ANXA10: variants seen among roughly 807,000 people sequenced by gnomAD.
The protein encoded by ANXA10 is annexin 14.
In ANXA10, 49 loss-of-function variants were observed where a neutral mutation model predicts 53.5. The observed-to-expected ratio is 0.92, with a 90% CI of 0.73 to 1.16. ANXA10 has a LOEUF of 1.16. Ranked by LOEUF, ANXA10 falls within the 50% of genes most tolerant of loss-of-function variation. The pLI is 0.00. For synonymous variants in ANXA10, 131 were observed against 128.9 expected (o/e 1.02, Z -0.11); for missense variants, 393 against 394.4 (o/e 1.00, Z 0.03).
In ANXA10 at chr4:168,156,607, C is replaced by T. The variant is rs575853326; in HGVS notation, c.196-5921C>T. Among the ~76,000 whole-genome samples the T allele has an allele frequency of 2.2e-3, 333 of 150,426 alleles. No individual in the cohort carries two copies. In the Middle Eastern group the frequency reaches 0.031, roughly 14 times the overall value. On this transcript the variant is annotated intron_variant, in intron 3 of 11. Transcript: ENST00000359299. ...CAAGCTCTGCCTCCCAGGTTCACGC[C>T]ATTCTCCTGCCTCAGCCTCCCAAGT... is the stretch of plus-strand genomic sequence containing the variant.
intron 1 of ANXA10, among the ~76,000 whole-genome samples, chr4:168,117,605 A>G (rs1730914555): frequency 6.6e-6 from 1 of 152,194 alleles, no homozygotes; most frequent in African/African-American, 2.4e-5. Context: ...ACAATGTATA[A>G]CAAAATCAAT....
intron 3 of ANXA10, among the ~76,000 whole-genome samples, chr4:168,156,191 TATATATA>T (rs1380097370): frequency 3.5e-5 from 1 of 28,938 alleles, no homozygotes; most frequent in Non-Finnish European, 5.6e-5. Context: ...TATTATATAT[TATATATA>T]ATATATATTA....
At chr4:168,179,001 A>G (rs942859287) in intron 8 of ANXA10, among the ~76,000 whole-genome samples, 1 of 152,132 alleles carries the variant, frequency 6.6e-6, no homozygotes, top group Non-Finnish European at 1.5e-5. Context: ...TCCCCAGGAG[A>G]AGAGAATAAT....
chr4:168,148,680 A>C lies in ANXA10; in HGVS notation c.195+9100A>C, dbSNP rs75609602. ...TCATTATTATGCCATTGTATAAGTT[A>C]GTGTTTCTTTAGTTTTATTTGTGAT... On this transcript the variant is annotated intron_variant, in intron 3 of 11. Transcript: ENST00000359299. 6.7e-3 allele frequency among the ~76,000 whole-genome samples: 1,017 copies of C among 152,108 alleles called. 10 individuals carry two copies. Among genetic ancestry groups the C allele is most frequent in the African/African-American group, 0.023 (964 of 41,472 alleles).
chr4:168,137,619 A>G (rs188434105), intron 2 of ANXA10, among the ~76,000 whole-genome samples: 188 of 152,260 alleles, frequency 1.2e-3, no homozygotes, highest in Middle Eastern at 3.4e-3. Flanking sequence ...ATTCTTTTTT[A>G]TAGCTGAGTA....
Position 168,093,329 on chromosome 4 carries a change from CT to C in ANXA10, c.18+619del, listed in dbSNP as rs758508185. Among the ~76,000 whole-genome samples the C allele has an allele frequency of 3.3e-5, 5 of 151,816 alleles. No individual in the cohort carries two copies. The South Asian group carries it at 6.3e-4, about 19-fold the overall frequency. ...GAAGCAATGTATAACAAGATTTAGT[CT>C]TTTTTTTGGCCTTGTCTGAATCATT... On this transcript the variant is annotated intron_variant, in intron 1 of 11. Transcript: ENST00000359299.
intron 1 of ANXA10, among the ~76,000 whole-genome samples, chr4:168,094,189 TA>T (rs1229155650): frequency 6.6e-6 from 1 of 152,174 alleles, no homozygotes; most frequent in Non-Finnish European, 1.5e-5. Flanking sequence ...CTGGGATTAT[TA>T]AACATTACCA....
In ANXA10 at chr4:168,132,774, T is replaced by A. The variant is rs117034370; in HGVS notation, c.100+4609T>A. Among the ~76,000 whole-genome samples the A allele has an allele frequency of 6.9e-4, 105 of 152,168 alleles. No individual in the cohort carries two copies. The East Asian group carries it at 0.014, about 20-fold the overall frequency. ...ATACCTATTATGTAACCACAAAAAT[T>A]AAAAGTAAAAAATTAAGGAATAATT... On this transcript the variant is annotated intron_variant, in intron 2 of 11. Transcript: ENST00000359299.
chr4:168,092,767 G>T, intron 1 of ANXA10, 49 bp downstream of exon 1: 1 of 1,450,860 alleles, frequency 6.9e-7, no homozygotes, highest in Non-Finnish European at 9.2e-7. Context: ...TTTGAAACTT[G>T]ATTTATAAAA....
At chr4:168,136,986 T>C (rs1731248541) in intron 2 of ANXA10, among the ~76,000 whole-genome samples, 2 of 152,228 alleles carry the variant, frequency 1.3e-5, no homozygotes, top group South Asian at 2.1e-4. Flanking sequence ...TAACACCATG[T>C]GGAAGCCTTG....
chr4:168,146,959 C>T (rs926878270), intron 3 of ANXA10, among the ~76,000 whole-genome samples: 3 of 152,152 alleles, frequency 2.0e-5, no homozygotes, highest in African/African-American at 7.2e-5. Flanking sequence ...AGTTGAGTAG[C>T]CACAGCATCC....
At chr4:168,110,729 A>C (rs1730794946) in intron 1 of ANXA10, among the ~76,000 whole-genome samples, 1 of 152,126 alleles carries the variant, frequency 6.6e-6, no homozygotes, top group Admixed American at 6.5e-5. Flanking sequence ...CTAGCTGCAA[A>C]CTGGCTTTAC....
intron 1 of ANXA10, among the ~76,000 whole-genome samples, chr4:168,117,118 A>G (rs1169074906): frequency 6.6e-6 from 1 of 152,104 alleles, no homozygotes; most frequent in Non-Finnish European, 1.5e-5. Flanking sequence ...AGCCAGGCAC[A>G]TGTGGTCCCA....
At chr4:168,139,389 G>A (rs1731290357) in intron 2 of ANXA10, 97 bp from the exon 3 acceptor site, 3 of 877,290 alleles carry the variant, frequency 3.4e-6, no homozygotes, top group South Asian at 3.7e-5. Context: ...TACCATCAGG[G>A]ATAATGCGTG....
At chr4:168,140,721 T>A (rs990070936) in intron 3 of ANXA10, among the ~76,000 whole-genome samples, 2 of 151,956 alleles carry the variant, frequency 1.3e-5, no homozygotes, top group African/African-American at 4.8e-5. Flanking sequence ...TGGGTTCAAG[T>A]GATGCCCCTG....
chr4:168,170,223 G>A (rs1731957728), intron 6 of ANXA10, among the ~76,000 whole-genome samples: 1 of 151,988 alleles, frequency 6.6e-6, no homozygotes. Context: ...TGAACAGGAT[G>A]AACTATTACT....
At chr4:168,139,405 T>A in intron 2 of ANXA10, 81 bp from the exon 3 acceptor site, 1 of 1,147,416 alleles carries the variant, frequency 8.7e-7, no homozygotes, top group Non-Finnish European at 1.3e-6. Context: ...GCGTGCATAC[T>A]GGTTATGATC....
chr4:168,133,596 C>T (rs1731189046), intron 2 of ANXA10, among the ~76,000 whole-genome samples: 1 of 152,058 alleles, frequency 6.6e-6, no homozygotes, highest in African/African-American at 2.4e-5. Context: ...CAGGAGAAGG[C>T]TATCTGGAAG....
chr4:168,179,110 C>T, intron 8 of ANXA10, 107 bp from the exon 9 acceptor site: 1 of 709,222 alleles, frequency 1.4e-6, no homozygotes, highest in Non-Finnish European at 2.4e-6. Flanking sequence ...AACAGTAGTA[C>T]TTTTAATTAT....
Sources: gnomAD v4.1 joint callset for allele counts (sites outside exome capture counted in the v4.1 genomes callset) on GRCh38, gnomAD v4.1.1 for gene constraint, MANE v1.5 for transcripts, NCBI Gene and HGNC (gene_info 2026-07-23, HGNC 2026-07-21) for gene names.